Variants in PAPSS2 observed in about 807,000 individuals in gnomAD.
The protein encoded by PAPSS2 is bifunctional 3'-phosphoadenosine 5'-phosphosulfate synthase 2.
PAPSS2 carries 61 observed loss-of-function variants against 66.5 expected under a neutral mutation model. That is an observed-to-expected ratio of 0.92 (90% CI 0.75 to 1.14). The LOEUF is 1.14. Among genes scored for constraint, PAPSS2 ranks in the 50% most tolerant of loss-of-function variants. The pLI is 0.00. For synonymous variants in PAPSS2, 289 were observed against 287.5 expected (o/e 1.01, Z -0.05); for missense variants, 708 against 789.6 (o/e 0.90, Z 1.24).
intron 1 of PAPSS2, among the ~76,000 whole-genome samples, chr10:87,682,918 G>A (rs1327808290): frequency 6.6e-6 from 1 of 152,146 alleles, no homozygotes; most frequent in African/African-American, 2.4e-5. Flanking sequence ...AGCAAGGGAG[G>A]TTTTAAGTGG....
chr10:87,727,542 A>G, intron 9 of PAPSS2, 53 bp downstream of exon 9: 2 of 1,399,482 alleles, frequency 1.4e-6, no homozygotes, highest in African/African-American at 1.4e-5. Flanking sequence ...AACTGAGAAG[A>G]AAAATAACTC....
chr10:87,741,248 G>T lies in PAPSS2; in HGVS notation c.1100G>T (p.Ser367Ile). Reference protein sequence around the residue: ...KHPHIKMVMESGDWLVGGDLQ... With the variant: ...KHPHIKMVMEIGDWLVGGDLQ... Reference sequence around the variant, plus strand: ...TGTTCTTTCTAGATGGTGATGGAAAGTGGGGACTGGCTGGTTGGTGGAGAC... The same window carrying T: ...TGTTCTTTCTAGATGGTGATGGAAATTGGGGACTGGCTGGTTGGTGGAGAC... The change falls in exon 10 of 13, where the codon AGT (serine) becomes ATT (isoleucine). Residue 367 changes from serine (S) to isoleucine (I), a missense_variant. Transcript: ENST00000456849. 6.2e-7 allele frequency: 1 copy of T among 1,613,864 alleles called. No homozygotes were observed. Among genetic ancestry groups the T allele is most frequent in the South Asian group, 1.1e-5 (1 of 91,072 alleles).
At chr10:87,725,872 A>T (rs2131719743) in intron 8 of PAPSS2, among the ~76,000 whole-genome samples, 1 of 94,170 alleles carries the variant, frequency 1.1e-5, no homozygotes, top group African/African-American at 5.0e-5. Context: ...ATTTAAAAAA[A>T]ATATGTGTGT....
chr10:87,701,327 C>T (rs12260799), intron 1 of PAPSS2, among the ~76,000 whole-genome samples: 785 of 71,624 alleles, frequency 0.011, 9 homozygotes, highest in African/African-American at 0.018. Flanking sequence ...TTCCTTCCTT[C>T]CTTTCTTTCT....
At chr10:87,686,204 AT>A (rs111344912) in intron 1 of PAPSS2, among the ~76,000 whole-genome samples, 11 of 151,216 alleles carry the variant, frequency 7.3e-5, no homozygotes, top group East Asian at 1.9e-4. Flanking sequence ...GATTAAAACA[AT>A]TTTTTTTCCT....
intron 1 of PAPSS2, among the ~76,000 whole-genome samples, chr10:87,682,471 A>C (rs546375861): frequency 6.0e-4 from 92 of 152,232 alleles, no homozygotes; most frequent in Non-Finnish European, 1.1e-3. Flanking sequence ...CCCTTCCATC[A>C]ATGGGAGTTG....
At chr10:87,708,923 CAT>C (rs1259758386) in intron 1 of PAPSS2, among the ~76,000 whole-genome samples, 5 of 151,930 alleles carry the variant, frequency 3.3e-5, no homozygotes, top group Admixed American at 2.6e-4. Context: ...TTATGAATAA[CAT>C]TAAGTGAATG....
At chr10:87,670,930 T>G (rs1852868704) in intron 1 of PAPSS2, among the ~76,000 whole-genome samples, 1 of 152,202 alleles carries the variant, frequency 6.6e-6, no homozygotes, top group African/African-American at 2.4e-5. Context: ...CATAATAACA[T>G]CCCTTGGGAT....
At chr10:87,682,369 C>T (rs754642172) in intron 1 of PAPSS2, among the ~76,000 whole-genome samples, 2 of 152,118 alleles carry the variant, frequency 1.3e-5, no homozygotes, top group Non-Finnish European at 2.9e-5. Flanking sequence ...CCAGGAAGAC[C>T]CTTGGTTTTT....
intron 1 of PAPSS2, among the ~76,000 whole-genome samples, chr10:87,667,560 G>A (rs1564706907): frequency 6.6e-6 from 1 of 152,198 alleles, no homozygotes; most frequent in Non-Finnish European, 1.5e-5. Flanking sequence ...AGTTGCCTCT[G>A]ATGACACGTG....
At position 87,745,073 on chromosome 10, in the gene PAPSS2, A is replaced by C. The variant is rs1853919548; in HGVS notation, c.1563A>C (p.Gly521=). ...NFYIVGRDPA[G]MPHPETKKDL... is the part of the protein sequence containing the mutation. ...ACATTGTGGGGAGGGACCCTGCAGGAATGCCCCATCCTGAAACCAAGAAGG... is the reference window on the plus strand; with the variant it reads ...ACATTGTGGGGAGGGACCCTGCAGGCATGCCCCATCCTGAAACCAAGAAGG... Residue 521 remains glycine, a synonymous_variant, in exon 12 of 13, where the codon GGA becomes GGC. Transcript: ENST00000456849. 1.9e-6 allele frequency: 3 copies of C among 1,614,160 alleles called. No individual in the cohort carries two copies. The highest frequency in any genetic ancestry group is 1.7e-5 in the Admixed American group (1 of 60,020).
chr10:87,731,355 A>G (rs1412956676), intron 9 of PAPSS2, among the ~76,000 whole-genome samples: 1 of 152,244 alleles, frequency 6.6e-6, no homozygotes, highest in East Asian at 1.9e-4. Context: ...TATCACTGCT[A>G]ATTGACAGTG....
intron 9 of PAPSS2, among the ~76,000 whole-genome samples, chr10:87,734,869 A>C: frequency 6.8e-6 from 1 of 147,432 alleles, no homozygotes; most frequent in African/African-American, 2.5e-5. Context: ...TCACCTTCCC[A>C]CCCTCAGCTG....
chr10:87,713,309 A>C lies in PAPSS2; in HGVS notation c.380A>C (p.Lys127Thr). 2 of 1,277,282 alleles carry C rather than the reference A, an allele frequency of 1.6e-6. No homozygotes were observed. The highest frequency in any genetic ancestry group is 2.2e-6 in the Non-Finnish European group (2 of 912,618). 79.1% of individuals were successfully genotyped at this position (1,277,282 alleles called of 1,614,324 possible). Reference protein sequence around the residue: ...CITSFISPFAKDRENARKIHE... With the variant: ...CITSFISPFATDRENARKIHE... ...ACCAGCTTTATTTCTCCATTCGCAAAGGTAAAAAAAAAAAAAAAAAAAAAA... is the reference window on the plus strand; with the variant it reads ...ACCAGCTTTATTTCTCCATTCGCAACGGTAAAAAAAAAAAAAAAAAAAAAA... Residue 127 changes from lysine (K) to threonine (T), a missense_variant and splice_region_variant, in exon 3 of 13, where the codon AAG (lysine) becomes ACG (threonine). By Grantham distance (78) the Lys-to-Thr change is moderately conservative. Coordinates refer to ENST00000456849, the MANE Select transcript of PAPSS2 (RefSeq NM_001015880.2).
intron 11 of PAPSS2, among the ~76,000 whole-genome samples, chr10:87,743,964 T>C (rs1300533106): frequency 6.6e-6 from 1 of 152,120 alleles, no homozygotes. Context: ...TAGCTGGGCA[T>C]AGTGGCATGC....
intron 1 of PAPSS2, among the ~76,000 whole-genome samples, chr10:87,708,053 AC>A (rs1370949290): frequency 1.3e-5 from 2 of 152,182 alleles, no homozygotes; most frequent in Admixed American, 1.3e-4. Flanking sequence ...TTTTAATTTA[AC>A]CATTATTATG....
intron 1 of PAPSS2, among the ~76,000 whole-genome samples, chr10:87,696,205 A>G (rs773031461): frequency 3.0e-4 from 45 of 152,242 alleles, no homozygotes; most frequent in Non-Finnish European, 6.0e-4. Flanking sequence ...TTGCTCTTTT[A>G]CCCTGCAATA....
At chr10:87,662,768 G>A (rs778366050) in intron 1 of PAPSS2, among the ~76,000 whole-genome samples, 37 of 152,168 alleles carry the variant, frequency 2.4e-4, no homozygotes, top group African/African-American at 8.0e-4. Flanking sequence ...AGTTATTTCC[G>A]AAGGATCAAA....
At chr10:87,680,270 G>A (rs1853003001) in intron 1 of PAPSS2, among the ~76,000 whole-genome samples, 1 of 152,168 alleles carries the variant, frequency 6.6e-6, no homozygotes, top group African/African-American at 2.4e-5. Context: ...GCACTGGAGG[G>A]AGCCTTCCTT....
Sources: allele counts gnomAD v4.1 joint callset (sites outside exome capture counted in the v4.1 genomes callset), GRCh38; gene constraint gnomAD v4.1.1; transcripts MANE v1.5; gene names NCBI Gene and HGNC (gene_info 2026-07-23, HGNC 2026-07-21).